Variants in CTXN2 observed in about 807,000 individuals in gnomAD.
The protein encoded by CTXN2 is cortexin 2.
CTXN2 carries 3 observed loss-of-function variants against 5.7 expected under a neutral mutation model. The observed-to-expected ratio is 0.53, with a 90% CI of 0.24 to 1.36. The LOEUF (loss-of-function observed/expected upper bound fraction) is 1.36. Ranked by LOEUF, CTXN2 falls within the 40% of genes most tolerant of loss-of-function variation. The pLI is 0.17. For synonymous variants in CTXN2, 38 were observed against 36.4 expected, an observed-to-expected ratio of 1.04 and a Z score of -0.16; for missense variants, 87 against 93.0, an observed-to-expected ratio of 0.94 and a Z score of 0.26.
At position 48,193,598 on chromosome 15, in the gene CTXN2, C is replaced by T. The variant is rs187741432; in HGVS notation, c.-58+1745C>T. 3.3e-3 allele frequency among the ~76,000 whole-genome samples: 506 copies of T among 152,044 alleles called. 6 individuals carry two copies. The South Asian group carries it at 0.036, about 11-fold the overall frequency. ...AAAATGATGCTTCTCTGGAGCTAGGCATTACAGTGTCTGTTGTGAATAGCT... is the reference window on the plus strand; with the variant it reads ...AAAATGATGCTTCTCTGGAGCTAGGTATTACAGTGTCTGTTGTGAATAGCT... On this transcript the variant is annotated intron_variant, in intron 1 of 1. Transcript: ENST00000417307.
upstream of CTXN2, chr15:48,189,297 CAA>C (rs1015412084): frequency 3.9e-5 from 6 of 152,124 alleles, no homozygotes; most frequent in African/African-American, 1.2e-4. Flanking sequence ...ATCTATGAAA[CAA>C]GAAGCCTATT....
At position 48,201,508 on chromosome 15, in the gene CTXN2, G is replaced by A; in HGVS notation, c.208G>A (p.Glu70Lys). The change falls in exon 2 of 2, where the codon GAG becomes AAG. Residue 70 changes from glutamate to lysine, a missense_variant. Coordinates refer to ENST00000417307, the MANE Select transcript of CTXN2 (RefSeq NM_001145668.2). Reference protein sequence around the residue: ...PSSTWEDEVEEFDKGTFEYAL... With the variant: ...PSSTWEDEVEKFDKGTFEYAL... Reference sequence around the variant, plus strand: ...CTCTACATGGGAAGATGAAGTTGAAGAGTTTGATAAAGGGACATTTGAATA... The same window carrying A: ...CTCTACATGGGAAGATGAAGTTGAAAAGTTTGATAAAGGGACATTTGAATA... 1 of 1,551,156 alleles carries A rather than the reference G, an allele frequency of 6.4e-7. No homozygotes were observed. Among genetic ancestry groups the A allele is most frequent in the Non-Finnish European group, 8.7e-7 (1 of 1,146,550 alleles).
intron 1 of CTXN2, among the ~76,000 whole-genome samples, chr15:48,181,473 A>T (rs1295149011): frequency 1.3e-5 from 2 of 152,156 alleles, no homozygotes; most frequent in East Asian, 3.8e-4. Flanking sequence ...TCTGTGGGGG[A>T]GGTTGGCAAA....
In CTXN2 at chr15:48,203,418, A is replaced by C. The variant is rs1447094366; in HGVS notation, c.*1872A>C. On this transcript the variant is annotated 3_prime_UTR_variant, in exon 2 of 2. Coordinates refer to ENST00000417307, the MANE Select transcript of CTXN2 (RefSeq NM_001145668.2). ...CTGGTACACCTCATAGCCAGTTAGT[A>C]ACTTGGCCCAAGAACAGGCCACTGG... 1.2e-5 allele frequency: 2 copies of C among 167,082 alleles called. No individual in the cohort carries two copies. The allele number at this position is 167,082 out of a possible 1,614,324, so 10.3% of individuals were successfully genotyped here.
At chr15:48,201,096 T>C (rs1191341429) in intron 1 of CTXN2, 148 bp from the exon 2 acceptor site, 6 of 578,630 alleles carry the variant, frequency 1.0e-5, no homozygotes, top group Non-Finnish European at 1.5e-5. Context: ...CCAATGCTAA[T>C]TTGATTCCAA....
chr15:48,181,125 G>T (rs1048220261), intron 1 of CTXN2, among the ~76,000 whole-genome samples: 1 of 152,182 alleles, frequency 6.6e-6, no homozygotes, highest in African/African-American at 2.4e-5. Context: ...TAGGAATTGT[G>T]TTCATCTGCT....
At chr15:48,183,847 C>G (rs2040723298) in intron 1 of CTXN2, among the ~76,000 whole-genome samples, 1 of 152,212 alleles carries the variant, frequency 6.6e-6, no homozygotes, top group Admixed American at 6.5e-5. Flanking sequence ...CAAATGTAGG[C>G]TTGCATAAGT....
At chr15:48,179,387 C>T (rs1178179740) in intron 1 of CTXN2, among the ~76,000 whole-genome samples, 1 of 150,082 alleles carries the variant, frequency 6.7e-6, no homozygotes, top group Admixed American at 6.8e-5. Flanking sequence ...CCGAAAAATA[C>T]CAAGTTCAGC....
intron 1 of CTXN2, among the ~76,000 whole-genome samples, chr15:48,183,348 C>G (rs1325134621): frequency 6.6e-6 from 1 of 152,112 alleles, no homozygotes; most frequent in Non-Finnish European, 1.5e-5. Flanking sequence ...ACCGAAAATG[C>G]TAAGTGGAAG....
upstream of CTXN2, among the ~76,000 whole-genome samples, chr15:48,188,778 C>G (rs553847107): frequency 6.6e-6 from 1 of 152,252 alleles, no homozygotes; most frequent in South Asian, 2.1e-4. Flanking sequence ...ATATTTCATG[C>G]CTTTCAGCAA....
chr15:48,190,104 T>A (rs116456238), upstream of CTXN2: 2 of 152,248 alleles, frequency 1.3e-5, no homozygotes. Flanking sequence ...CCACCACTCC[T>A]GGCTGCATCT....
In CTXN2 at chr15:48,201,418, T is replaced by G; in HGVS notation, c.118T>G (p.Phe40Val). The G allele has an allele frequency of 6.4e-7, 1 of 1,551,444 alleles. No individual in the cohort carries two copies. The highest frequency in any genetic ancestry group is 8.7e-7 in the Non-Finnish European group (1 of 1,146,774). ...GFAFVGILCIFLGLLIIRCFK... is the reference protein window; with the variant it reads ...GFAFVGILCIVLGLLIIRCFK... The stretch of plus-strand genomic sequence containing the variant: ...TGCTTTTGTTGGGATTTTGTGTATC[T>G]TCTTGGGACTTCTTATTATCCGATG... Residue 40 changes from phenylalanine (F) to valine (V), a missense_variant, in exon 2 of 2, where the codon TTC (phenylalanine) becomes GTC (valine). Transcript: ENST00000417307.
Position 48,191,757 on chromosome 15 carries a change from C to G in CTXN2, c.-154C>G. 1 of 456,056 alleles carries G rather than the reference C, an allele frequency of 2.2e-6. No homozygotes were observed. Among genetic ancestry groups the G allele is most frequent in the South Asian group, 1.5e-5 (1 of 64,568 alleles). 28.3% of individuals were successfully genotyped at this position (456,056 alleles called of 1,614,324 possible). A position where few individuals can be genotyped will look rare whatever the true frequency, so the allele number is the denominator to read the frequency against. On this transcript the variant is annotated 5_prime_UTR_variant, in exon 1 of 2. Coordinates refer to ENST00000417307, the MANE Select transcript of CTXN2 (RefSeq NM_001145668.2). ...CTACGCAGGTTCCAGAACACGCCTT[C>G]TACATTTGTTACTGAACCGATCAGC... is the stretch of plus-strand genomic sequence containing the variant.
At chr15:48,185,819 T>C (rs2040747292) in intron 1 of CTXN2, among the ~76,000 whole-genome samples, 1 of 152,214 alleles carries the variant, frequency 6.6e-6, no homozygotes, top group Non-Finnish European at 1.5e-5. Context: ...TATATAGGAC[T>C]ACTTTCCTCC....
upstream of CTXN2, chr15:48,191,634 A>G (rs1456587326): frequency 2.3e-6 from 1 of 443,840 alleles, no homozygotes; most frequent in South Asian, 1.6e-5. Flanking sequence ...GCGCGCGCGC[A>G]CACGTACTTC....
chr15:48,181,397 A>T (rs912152494), intron 1 of CTXN2, among the ~76,000 whole-genome samples: 1 of 152,028 alleles, frequency 6.6e-6, no homozygotes, highest in African/African-American at 2.4e-5. Flanking sequence ...AAAAAAAGGG[A>T]CCTATCCAGA....
upstream of CTXN2, among the ~76,000 whole-genome samples, chr15:48,187,271 C>G (rs2040767007): frequency 6.6e-6 from 1 of 150,570 alleles, no homozygotes; most frequent in African/African-American, 2.4e-5. Flanking sequence ...AAAAGGTTGA[C>G]TTTTGAATAT....
chr15:48,197,652 C>T (rs1352256709), intron 1 of CTXN2, among the ~76,000 whole-genome samples: 1 of 152,016 alleles, frequency 6.6e-6, no homozygotes, highest in African/African-American at 2.4e-5. Context: ...GATTTCTTAA[C>T]AGCATTCTGA....
intron 1 of CTXN2, among the ~76,000 whole-genome samples, chr15:48,183,917 A>G (rs1340531568): frequency 6.6e-6 from 1 of 152,242 alleles, no homozygotes; most frequent in South Asian, 2.1e-4. Context: ...GGAAACTAGT[A>G]TCAACAACAT....
Sources: gnomAD v4.1 joint callset for allele counts (sites outside exome capture counted in the v4.1 genomes callset) on GRCh38, gnomAD v4.1.1 for gene constraint, MANE v1.5 for transcripts, NCBI Gene and HGNC (gene_info 2026-07-23, HGNC 2026-07-21) for gene names.